Variants in ESRRB observed in about 807,000 individuals in gnomAD.
The protein encoded by ESRRB is steroid hormone receptor ERR2.
Under a neutral mutation model 46.0 loss-of-function variants are expected in ESRRB, and 16 were observed. The ratio of observed to expected loss-of-function variants is 0.35; its 90% confidence interval spans 0.24 to 0.53. ESRRB has a LOEUF of 0.53. Among genes scored for constraint, ESRRB ranks in the 20% least tolerant of loss-of-function variants. The probability of loss-of-function intolerance (pLI) is 0.93; values close to 1 mark genes in which losing one functional copy is unlikely to be tolerated. For missense variants in ESRRB, 488 were observed against 607.4 expected, an observed-to-expected ratio of 0.80 and a Z score of 2.07; for synonymous variants, 246 against 259.6, an observed-to-expected ratio of 0.95 and a Z score of 0.50.
chr14:76,438,036 C>T (rs1242180122), intron 1 of ESRRB, among the ~76,000 whole-genome samples: 2 of 152,068 alleles, frequency 1.3e-5, no homozygotes, highest in Non-Finnish European at 2.9e-5. Context: ...GGTTAGAATG[C>T]TCCCTCAAGC....
chr14:76,321,279 A>G (rs189683601), intron 1 of ESRRB, among the ~76,000 whole-genome samples: 102 of 152,302 alleles, frequency 6.7e-4, no homozygotes, highest in Non-Finnish European at 1.0e-3. Context: ...ATTTCCCAGA[A>G]GAATGGTTCT....
chr14:76,478,505 G>C (rs1889671913), intron 3 of ESRRB, among the ~76,000 whole-genome samples: 1 of 152,028 alleles, frequency 6.6e-6, no homozygotes, highest in Non-Finnish European at 1.5e-5. Flanking sequence ...AGGCTGGATG[G>C]GAAGCGAGAG....
intron 1 of ESRRB, among the ~76,000 whole-genome samples, chr14:76,396,543 G>A (rs1224759612): frequency 6.6e-6 from 1 of 152,194 alleles, no homozygotes; most frequent in East Asian, 1.9e-4. Context: ...GAGCAAACAA[G>A]CCAGCAAACT....
intron 1 of ESRRB, among the ~76,000 whole-genome samples, chr14:76,422,806 G>A (rs569295737): frequency 6.6e-5 from 10 of 152,264 alleles, no homozygotes; most frequent in African/African-American, 2.2e-4. Context: ...CCGGGATTCC[G>A]ACACAGGCGA....
chr14:76,392,028 C>T (rs1412566948), intron 1 of ESRRB, among the ~76,000 whole-genome samples: 1 of 152,340 alleles, frequency 6.6e-6, no homozygotes, highest in African/African-American at 2.4e-5. Flanking sequence ...TGGCAACATC[C>T]CTGCAGCCTG....
chr14:76,432,670 T>C (rs1229945480), intron 1 of ESRRB, among the ~76,000 whole-genome samples: 2 of 112,406 alleles, frequency 1.8e-5, no homozygotes. Flanking sequence ...TTTCTCTCTC[T>C]CTTTTTTTTT....
intron 1 of ESRRB, among the ~76,000 whole-genome samples, chr14:76,360,104 C>T (rs923757289): frequency 6.6e-6 from 1 of 152,134 alleles, no homozygotes; most frequent in African/African-American, 2.4e-5. Context: ...CAGTGGGATG[C>T]CTGTGCCAGG....
At chr14:76,375,095 G>T (rs1230760060), upstream of ESRRB, among the ~76,000 whole-genome samples, 3 of 151,980 alleles carry the variant, frequency 2.0e-5, no homozygotes, top group African/African-American at 7.3e-5. Context: ...CAGAATATAG[G>T]AGAATAAGGT....
At chr14:76,441,366 G>GAATTGGGGAGAATA in intron 2 of ESRRB, among the ~76,000 whole-genome samples, 1 of 152,338 alleles carries the variant, frequency 6.6e-6, no homozygotes, top group East Asian at 1.9e-4. Context: ...ACCACGAGGT[G>GAATTGGGGAGAATA]AATTGGGGAG....
At chr14:76,378,455 A>G (rs894154044) in intron 1 of ESRRB, among the ~76,000 whole-genome samples, 1 of 152,102 alleles carries the variant, frequency 6.6e-6, no homozygotes, top group African/African-American at 2.4e-5. Flanking sequence ...ATCATTTATA[A>G]ACTAAGCCTG....
Position 76,351,986 on chromosome 14 carries a change from T to TAAAAAAA in ESRRB, c.2+41087_2+41093dup, listed in dbSNP as rs201356393. Among the ~76,000 whole-genome samples the TAAAAAAA allele has an allele frequency of 4.6e-3, 420 of 91,746 alleles. 6 individuals are homozygous for TAAAAAAA. The highest frequency in any genetic ancestry group is 0.019 in the African/African-American group (390 of 20,840). The allele number at this position is 91,746 out of a possible 152,430, so 60.2% of individuals were successfully genotyped here. A position where few individuals can be genotyped will look rare whatever the true frequency, so the allele number is the denominator to read the frequency against. ...GGAGACAGAGTGAGACCCAGTCTCT[T>TAAAAAAA]AAAAAAAAAAAAAAAAAAAAAAAGC... On this transcript the variant is annotated intron_variant, in intron 1 of 6. Transcript: ENST00000512784.
Position 76,500,324 on chromosome 14 carries a change from T to TC in ESRRB, c.*1867dup, listed in dbSNP as rs1468571180. On this transcript the variant is annotated 3_prime_UTR_variant, in exon 7 of 7. Coordinates refer to ENST00000644823, the MANE Select transcript of ESRRB (RefSeq NM_001379180.1). The stretch of plus-strand genomic sequence containing the variant: ...TTGCCTGTGGGGAATCGGGTCTGAG[T>TC]CACTTGATGAGTAGGCACTGGAGCC... 3 of 588,824 alleles carry TC rather than the reference T, an allele frequency of 5.1e-6. No homozygotes were observed. The African/African-American group carries it at 5.6e-5, about 11-fold the overall frequency. 36.5% of individuals were successfully genotyped at this position (588,824 alleles called of 1,614,324 possible). A position where few individuals can be genotyped will look rare whatever the true frequency, so the allele number is the denominator to read the frequency against.
At chr14:76,469,931 T>G (rs1284719760) in intron 3 of ESRRB, among the ~76,000 whole-genome samples, 3 of 110,704 alleles carry the variant, frequency 2.7e-5, no homozygotes, top group Non-Finnish European at 5.9e-5. Flanking sequence ...TTTTTGTTGT[T>G]TTTTTTTTTT....
At chr14:76,390,010 C>T (rs183688402) in intron 1 of ESRRB, among the ~76,000 whole-genome samples, 30 of 152,264 alleles carry the variant, frequency 2.0e-4, no homozygotes, top group Admixed American at 7.2e-4. Context: ...ATTTACACCA[C>T]GGAAATTGGC....
At chr14:76,317,795 G>A (rs748647306) in intron 1 of ESRRB, among the ~76,000 whole-genome samples, 3 of 151,882 alleles carry the variant, frequency 2.0e-5, no homozygotes, top group Non-Finnish European at 2.9e-5. Flanking sequence ...TATAAAATGA[G>A]CCACTGGGAG....
intron 2 of ESRRB, among the ~76,000 whole-genome samples, chr14:76,455,992 A>G (rs60322145): frequency 0.054 from 8,151 of 150,996 alleles, 717 homozygotes; most frequent in African/African-American, 0.19. Flanking sequence ...GCAGTGAGCC[A>G]AGATCACACC....
intron 3 of ESRRB, among the ~76,000 whole-genome samples, chr14:76,464,517 C>T (rs72731667): frequency 0.028 from 4,296 of 152,242 alleles, 139 homozygotes; most frequent in East Asian, 0.15. Context: ...GCCTTTGTGT[C>T]GACATGGCAC....
chr14:76,415,788 T>G (rs1003030019), intron 1 of ESRRB, among the ~76,000 whole-genome samples: 8 of 152,212 alleles, frequency 5.3e-5, no homozygotes, highest in African/African-American at 1.4e-4. Flanking sequence ...ATTACAGGCA[T>G]GAGCCACTGC....
At chr14:76,479,359 G>A (rs1484624704) in intron 3 of ESRRB, among the ~76,000 whole-genome samples, 2 of 152,178 alleles carry the variant, frequency 1.3e-5, no homozygotes, top group Admixed American at 6.5e-5. Flanking sequence ...CGGTAGCTGG[G>A]AGCCTCAGTT....
Sources: allele counts gnomAD v4.1 joint callset (sites outside exome capture counted in the v4.1 genomes callset), GRCh38; gene constraint gnomAD v4.1.1; transcripts MANE v1.5; gene names NCBI Gene and HGNC (gene_info 2026-07-23, HGNC 2026-07-21).